NCK1: variants seen among roughly 807,000 people sequenced by gnomAD.
NCK1 encodes NCK adaptor protein 1, also known as SH2/SH3 adapter protein NCK1.
Under a neutral mutation model 36.6 loss-of-function variants are expected in NCK1, and 19 were observed. The ratio of observed to expected loss-of-function variants is 0.52; its 90% CI spans 0.36 to 0.76. The LOEUF (loss-of-function observed/expected upper bound fraction) is 0.76, where lower values mean the gene tolerates loss of function less well. Ranked by LOEUF, NCK1 falls within the 30% of genes least tolerant of loss-of-function variation. The probability of loss-of-function intolerance (pLI) is 0.00; values close to 1 mark genes in which losing one functional copy is unlikely to be tolerated. For synonymous variants in NCK1, 165 were observed against 156.0 expected (o/e 1.06, Z -0.43); for missense variants, 358 against 445.6 (o/e 0.80, Z 1.77).
chr3:136,905,086 A>G (rs549212881), intron 1 of NCK1, among the ~76,000 whole-genome samples: 80 of 150,030 alleles, frequency 5.3e-4, no homozygotes, highest in African/African-American at 1.8e-3. Context: ...GATCTCAGCT[A>G]ACTGCAACCT....
At chr3:136,913,770 G>A (rs947210748) in intron 1 of NCK1, among the ~76,000 whole-genome samples, 1 of 152,178 alleles carries the variant, frequency 6.6e-6, no homozygotes, top group Admixed American at 6.5e-5. Context: ...CCGGGTTCAC[G>A]CCATTCTCCT....
At chr3:136,935,190 G>A (rs1176196649) in intron 2 of NCK1, among the ~76,000 whole-genome samples, 1 of 152,112 alleles carries the variant, frequency 6.6e-6, no homozygotes. Flanking sequence ...GTGAGCCCCC[G>A]TGCTGGGCCA....
chr3:136,924,388 T>G (rs931569591), intron 1 of NCK1, among the ~76,000 whole-genome samples: 6 of 152,158 alleles, frequency 3.9e-5, no homozygotes, highest in African/African-American at 1.4e-4. Context: ...ACAGGACAAG[T>G]GAAGCCAGCT....
At chr3:136,900,561 G>C (rs1205961458) in intron 1 of NCK1, among the ~76,000 whole-genome samples, 1 of 152,044 alleles carries the variant, frequency 6.6e-6, no homozygotes, top group Non-Finnish European at 1.5e-5. Context: ...TTGAGCATGG[G>C]ATGTCTTTCC....
intron 2 of NCK1, among the ~76,000 whole-genome samples, chr3:136,942,338 G>T (rs1940699985): frequency 6.6e-6 from 1 of 152,142 alleles, no homozygotes. Context: ...ATTGTGAGTG[G>T]TTGTTGTTTG....
At chr3:136,890,241 G>A (rs2108087723) in intron 1 of NCK1, among the ~76,000 whole-genome samples, 1 of 152,318 alleles carries the variant, frequency 6.6e-6, no homozygotes, top group South Asian at 2.1e-4. Context: ...GCTGGCCCGG[G>A]TGCTAAGCCC....
chr3:136,912,533 A>G (rs1329709244), intron 1 of NCK1, among the ~76,000 whole-genome samples: 1 of 142,442 alleles, frequency 7.0e-6, no homozygotes, highest in African/African-American at 2.6e-5. Context: ...ACACTTGTTG[A>G]TTCTTTCTTC....
intron 3 of NCK1, among the ~76,000 whole-genome samples, chr3:136,947,412 A>G (rs1940858903): frequency 6.6e-6 from 1 of 152,116 alleles, no homozygotes; most frequent in Non-Finnish European, 1.5e-5. Context: ...TGTAGATATT[A>G]GACAAAATGC....
intron 1 of NCK1, among the ~76,000 whole-genome samples, chr3:136,882,231 T>A (rs1030724104): frequency 3.9e-5 from 6 of 152,220 alleles, no homozygotes; most frequent in African/African-American, 1.4e-4. Context: ...TTAATGGTGA[T>A]ATCTCTGTGG....
At chr3:136,896,036 T>A (rs1939382965) in intron 1 of NCK1, among the ~76,000 whole-genome samples, 1 of 152,198 alleles carries the variant, frequency 6.6e-6, no homozygotes, top group African/African-American at 2.4e-5. Flanking sequence ...ATTTTACATA[T>A]TTACGAGGCA....
At position 136,877,014 on chromosome 3, in the gene NCK1, T is replaced by C. The variant is rs910913226; in HGVS notation, c.-19+14661T>C. ...TCATTCTTTCTAATCTTTGCCAGCA[T>C]GGTAGGCAAAAAATGGACAAAACTA... is the stretch of plus-strand genomic sequence containing the variant. On this transcript the variant is annotated intron_variant, in intron 1 of 3. Coordinates refer to ENST00000481752, the MANE Select transcript of NCK1 (RefSeq NM_001291999.2). 5.3e-5 allele frequency among the ~76,000 whole-genome samples: 8 copies of C among 152,188 alleles called. No individual in the cohort carries two copies. In the South Asian group the frequency reaches 6.2e-4, roughly 12 times the overall value.
At chr3:136,899,419 C>CTTTT (rs34828302) in intron 1 of NCK1, 3 of 199,556 alleles carry the variant, frequency 1.5e-5, no homozygotes, top group Non-Finnish European at 3.1e-5. Context: ...CATTTCTTTT[C>CTTTT]TTTTTTTTTT....
intron 1 of NCK1, among the ~76,000 whole-genome samples, chr3:136,887,325 G>A (rs912794529): frequency 6.6e-6 from 1 of 152,210 alleles, no homozygotes; most frequent in Non-Finnish European, 1.5e-5. Context: ...GCACCGCCAT[G>A]CTCAGCATTT....
intron 1 of NCK1, among the ~76,000 whole-genome samples, chr3:136,876,897 T>C (rs970689153): frequency 6.6e-6 from 1 of 152,222 alleles, no homozygotes; most frequent in African/African-American, 2.4e-5. Context: ...TACAGATGTT[T>C]ATTTAAAATG....
At chr3:136,905,426 A>G (rs532877212) in intron 1 of NCK1, among the ~76,000 whole-genome samples, 118 of 149,228 alleles carry the variant, frequency 7.9e-4, no homozygotes, top group Non-Finnish European at 1.5e-3. Context: ...ATTCTCTTGT[A>G]TCTTTTTTTT....
intron 1 of NCK1, among the ~76,000 whole-genome samples, chr3:136,867,174 TTCCTTC>T (rs1333186332): frequency 0.094 from 3,167 of 33,730 alleles, 329 homozygotes; most frequent in Non-Finnish European, 0.098. Context: ...CCTTCCTTCC[TTCCTTC>T]TTTCTTTCTT....
intron 1 of NCK1, among the ~76,000 whole-genome samples, chr3:136,876,726 T>C (rs1257558610): frequency 6.6e-6 from 1 of 152,114 alleles, no homozygotes; most frequent in Non-Finnish European, 1.5e-5. Context: ...TCATCTCTAG[T>C]ATGAGAGTAA....
chr3:136,946,323 A>G, intron 3 of NCK1, 28 bp downstream of exon 3: 7 of 1,548,544 alleles, frequency 4.5e-6, no homozygotes, highest in Non-Finnish European at 6.2e-6. Context: ...GGTAAATACA[A>G]ATAGAGCTCT....
In NCK1 at chr3:136,951,161, G is replaced by C. The variant is rs1053520164; in HGVS notation, c.*2708G>C. ...GAATAAGGTCATTCTTGCAGAATATGGCACTTAAATTATCTCCAGCTGTAA... is the reference window on the plus strand; with the variant it reads ...GAATAAGGTCATTCTTGCAGAATATCGCACTTAAATTATCTCCAGCTGTAA... On this transcript the variant is annotated 3_prime_UTR_variant, in exon 4 of 4. Transcript: ENST00000481752. Among the ~76,000 whole-genome samples the C allele has an allele frequency of 5.9e-5, 9 of 152,176 alleles. No homozygotes were observed. Among genetic ancestry groups the C allele is most frequent in the African/African-American group, 2.2e-4 (9 of 41,440 alleles).
Sources: gnomAD v4.1 joint callset for allele counts (sites outside exome capture counted in the v4.1 genomes callset) on GRCh38, gnomAD v4.1.1 for gene constraint, MANE v1.5 for transcripts, NCBI Gene and HGNC (gene_info 2026-07-23, HGNC 2026-07-21) for gene names.